FBXL7: variants seen among roughly 807,000 people sequenced by gnomAD.
FBXL7 encodes the protein F-box/LRR-repeat protein 7.
A neutral mutation model predicts 38.3 loss-of-function variants in FBXL7; 12 were observed. The ratio of observed to expected loss-of-function variants is 0.31; its 90% confidence interval spans 0.20 to 0.51. The LOEUF is 0.51. FBXL7 is among the 20% of genes least tolerant of loss of function. The pLI, the probability that FBXL7 is intolerant of heterozygous loss-of-function variation, is 0.98. For synonymous variants in FBXL7, 297 were observed against 300.9 expected (o/e 0.99, Z 0.13); for missense variants, 567 against 676.4 (o/e 0.84, Z 1.79).
chr5:15,647,162 G>A (rs1012148330), intron 2 of FBXL7, among the ~76,000 whole-genome samples: 4 of 152,218 alleles, frequency 2.6e-5, no homozygotes, highest in Admixed American at 6.5e-5. Context: ...CAAGAATGGT[G>A]TCAGTCATTA....
chr5:15,578,052 GGCTAT>G (rs1739025698), intron 1 of FBXL7, among the ~76,000 whole-genome samples: 1 of 152,152 alleles, frequency 6.6e-6, no homozygotes, highest in Non-Finnish European at 1.5e-5. Context: ...GGGAACACAG[GGCTAT>G]GCAGGTGTTT....
At chr5:15,893,501 G>A (rs1015584915) in intron 2 of FBXL7, among the ~76,000 whole-genome samples, 3 of 152,120 alleles carry the variant, frequency 2.0e-5, no homozygotes, top group African/African-American at 7.2e-5. Context: ...GTTAATAATC[G>A]CATACATGGA....
intron 2 of FBXL7, among the ~76,000 whole-genome samples, chr5:15,760,765 AG>A (rs1208186096): frequency 6.6e-6 from 1 of 152,142 alleles, no homozygotes; most frequent in African/African-American, 2.4e-5. Context: ...AAACTGGTGG[AG>A]GGAATAGGAT....
chr5:15,785,294 T>TG (rs1474272099), intron 2 of FBXL7, among the ~76,000 whole-genome samples: 2 of 152,130 alleles, frequency 1.3e-5, no homozygotes, highest in African/African-American at 2.4e-5. Flanking sequence ...AGAAGACCTA[T>TG]TTTCTCTTGT....
intron 2 of FBXL7, among the ~76,000 whole-genome samples, chr5:15,632,381 T>A (rs542328924): frequency 1.3e-5 from 2 of 152,184 alleles, no homozygotes; most frequent in Non-Finnish European, 2.9e-5. Flanking sequence ...GTGAAAGTTA[T>A]ATTTAGCCAC....
At chr5:15,595,932 C>G (rs974371233) in intron 1 of FBXL7, among the ~76,000 whole-genome samples, 27 of 152,146 alleles carry the variant, frequency 1.8e-4, no homozygotes, top group Non-Finnish European at 8.8e-5. Flanking sequence ...GGGGTCCTAT[C>G]TCAGCAGGTA....
intron 2 of FBXL7, among the ~76,000 whole-genome samples, chr5:15,721,722 T>C (rs931621590): frequency 6.6e-6 from 1 of 152,202 alleles, no homozygotes; most frequent in East Asian, 1.9e-4. Flanking sequence ...CATTTTCTTT[T>C]CATATTGCCT....
intron 2 of FBXL7, among the ~76,000 whole-genome samples, chr5:15,720,366 G>T (rs1744160879): frequency 6.7e-6 from 1 of 148,278 alleles, no homozygotes; most frequent in Admixed American, 6.8e-5. Context: ...CTTCCACACT[G>T]TCAACTTTCA....
At chr5:15,545,408 G>T (rs760779314) in intron 1 of FBXL7, among the ~76,000 whole-genome samples, 7 of 152,200 alleles carry the variant, frequency 4.6e-5, no homozygotes, top group Admixed American at 6.5e-5. Flanking sequence ...AATGCACCAT[G>T]AGCTGAGGAT....
chr5:15,674,077 A>G (rs1246596331), intron 2 of FBXL7, among the ~76,000 whole-genome samples: 1 of 152,220 alleles, frequency 6.6e-6, no homozygotes, highest in Non-Finnish European at 1.5e-5. Context: ...GAGCTCCACT[A>G]CTTACCATGT....
intron 2 of FBXL7, among the ~76,000 whole-genome samples, chr5:15,799,505 G>C (rs1737504369): frequency 6.6e-6 from 1 of 151,944 alleles, no homozygotes. Context: ...TGGGATTACA[G>C]GCATGCGCCA....
At chr5:15,555,228 C>G (rs1347163323) in intron 1 of FBXL7, among the ~76,000 whole-genome samples, 1 of 152,162 alleles carries the variant, frequency 6.6e-6, no homozygotes. Context: ...ACACACCCCC[C>G]ACAGAACATC....
At chr5:15,914,109 G>A (rs1031955437) in intron 2 of FBXL7, among the ~76,000 whole-genome samples, 7 of 152,126 alleles carry the variant, frequency 4.6e-5, no homozygotes, top group Non-Finnish European at 8.8e-5. Context: ...GGGGCCGGGC[G>A]GGCGTGGTGG....
intron 2 of FBXL7, among the ~76,000 whole-genome samples, chr5:15,896,509 A>G (rs1196434590): frequency 3.3e-5 from 5 of 152,166 alleles, no homozygotes; most frequent in Admixed American, 6.5e-5. Context: ...GCCAATCTGT[A>G]TATTGTGGCT....
At chr5:15,803,524 T>C (rs561705321) in intron 2 of FBXL7, among the ~76,000 whole-genome samples, 1 of 151,650 alleles carries the variant, frequency 6.6e-6, no homozygotes, top group Admixed American at 6.6e-5. Context: ...TATTTTCCCC[T>C]TTCTCCCCCC....
chr5:15,748,289 A>G (rs1262029082), intron 2 of FBXL7, among the ~76,000 whole-genome samples: 1 of 152,244 alleles, frequency 6.6e-6, no homozygotes, highest in East Asian at 1.9e-4. Context: ...TTTGCCTTGT[A>G]CTTCATTATT....
chr5:15,585,599 C>T (rs1342967168), intron 1 of FBXL7, among the ~76,000 whole-genome samples: 2 of 152,168 alleles, frequency 1.3e-5, no homozygotes, highest in East Asian at 1.9e-4. Flanking sequence ...TAGAGAAGCT[C>T]ATGATTGTAT....
At chr5:15,892,945 G>A (rs1374941888) in intron 2 of FBXL7, among the ~76,000 whole-genome samples, 13 of 152,112 alleles carry the variant, frequency 8.5e-5, no homozygotes, top group Non-Finnish European at 1.5e-4. Flanking sequence ...GTGAAACCCC[G>A]TCTCTACTAA....
At chr5:15,827,924 T>C (rs973658920) in intron 2 of FBXL7, among the ~76,000 whole-genome samples, 1 of 152,190 alleles carries the variant, frequency 6.6e-6, no homozygotes, top group African/African-American at 2.4e-5. Flanking sequence ...ACAACAACAC[T>C]CCATGCCAAA....
Sources: gnomAD v4.1 joint callset for allele counts (sites outside exome capture counted in the v4.1 genomes callset) on GRCh38, gnomAD v4.1.1 for gene constraint, MANE v1.5 for transcripts, NCBI Gene and HGNC (gene_info 2026-07-23, HGNC 2026-07-21) for gene names.